Variants in UBE2Q2 observed in about 807,000 individuals in gnomAD.
UBE2Q2 encodes ubiquitin conjugating enzyme E2 Q2.
UBE2Q2 carries 54 observed loss-of-function variants against 59.9 expected under a neutral mutation model. The observed-to-expected ratio is 0.90, with a 90% CI of 0.72 to 1.13. The LOEUF (loss-of-function observed/expected upper bound fraction) is 1.13, where lower values mean the gene tolerates loss of function less well. UBE2Q2 is among the 50% of genes most tolerant of loss of function. The pLI is 0.00. For synonymous variants in UBE2Q2, 165 were observed against 155.2 expected (o/e 1.06, Z -0.47); for missense variants, 433 against 441.9 (o/e 0.98, Z 0.18).
intron 1 of UBE2Q2, among the ~76,000 whole-genome samples, chr15:75,847,921 T>C (rs575361667): frequency 3.3e-5 from 5 of 152,312 alleles, no homozygotes; most frequent in African/African-American, 1.2e-4. Context: ...CTGCTTTTAG[T>C]GGGACTTTGT....
chr15:75,847,660 T>C (rs1166083522), intron 1 of UBE2Q2, among the ~76,000 whole-genome samples: 1 of 152,156 alleles, frequency 6.6e-6, no homozygotes, highest in Non-Finnish European at 1.5e-5. Flanking sequence ...GCAGCTTGTT[T>C]TAAGCAGCCT....
At chr15:75,848,489 C>T (rs2141532186) in intron 1 of UBE2Q2, among the ~76,000 whole-genome samples, 1 of 152,240 alleles carries the variant, frequency 6.6e-6, no homozygotes, top group Non-Finnish European at 1.5e-5. Flanking sequence ...ACTTTCATTC[C>T]AGAAGAATCA....
intron 3 of UBE2Q2, among the ~76,000 whole-genome samples, chr15:75,866,518 T>G (rs1897488393): frequency 6.6e-6 from 1 of 152,184 alleles, no homozygotes. Context: ...TATTCTAAAG[T>G]CTTTCTTTAG....
rs1374943829 is a variant in UBE2Q2, at chr15:75,877,174, A to AT, written c.674-787_674-786insT. Among the ~76,000 whole-genome samples the AT allele has an allele frequency of 3.1e-3, 466 of 150,892 alleles. 5 individuals carry two copies. The highest frequency in any genetic ancestry group is 0.011 in the African/African-American group (459 of 41,052). On this transcript the variant is annotated intron_variant, in intron 6 of 12. Coordinates refer to ENST00000267938, the MANE Select transcript of UBE2Q2 (RefSeq NM_173469.4). ...GAGACTCTGTCAAAAAAAAAAAAAAAAAAAAAAAAGGGTTATGACCGATTC... is the reference window on the plus strand; with the variant it reads ...GAGACTCTGTCAAAAAAAAAAAAAAATAAAAAAAAAGGGTTATGACCGATTC...
chr15:75,865,894 A>G (rs1287855372), intron 3 of UBE2Q2, among the ~76,000 whole-genome samples: 1 of 152,090 alleles, frequency 6.6e-6, no homozygotes, highest in East Asian at 1.9e-4. Context: ...TGTTCAACAA[A>G]TATCTGACTC....
chr15:75,864,881 T>G (rs1897378122), intron 3 of UBE2Q2, among the ~76,000 whole-genome samples: 1 of 152,256 alleles, frequency 6.6e-6, no homozygotes, highest in Non-Finnish European at 1.5e-5. Context: ...TTAAATTGCT[T>G]TTTAAACAAA....
At chr15:75,869,122 A>G in intron 4 of UBE2Q2, 112 bp downstream of exon 4, 1 of 905,052 alleles carries the variant, frequency 1.1e-6, no homozygotes, top group Non-Finnish European at 1.7e-6. Context: ...TTGAAAGCAC[A>G]TTGTGTTTGG....
At chr15:75,876,399 A>G in intron 6 of UBE2Q2, 128 bp downstream of exon 6, 1 of 795,024 alleles carries the variant, frequency 1.3e-6, no homozygotes. Context: ...AGGAATGTGA[A>G]ACTCAAATGC....
intron 8 of UBE2Q2, among the ~76,000 whole-genome samples, chr15:75,879,430 G>A (rs1567035292): frequency 1.3e-5 from 2 of 152,202 alleles, no homozygotes; most frequent in Non-Finnish European, 2.9e-5. Flanking sequence ...CAATAAAATG[G>A]AGAATTGTGG....
intron 11 of UBE2Q2, among the ~76,000 whole-genome samples, chr15:75,893,354 G>A (rs1362782389): frequency 6.6e-6 from 1 of 152,158 alleles, no homozygotes; most frequent in African/African-American, 2.4e-5. Flanking sequence ...GGAACAGAAA[G>A]CATTAGTAAC....
At chr15:75,883,309 T>C in intron 8 of UBE2Q2, 57 bp from the exon 9 acceptor site, 3 of 1,434,020 alleles carry the variant, frequency 2.1e-6, no homozygotes, top group Non-Finnish European at 2.9e-6. Flanking sequence ...ATCTTCTAAA[T>C]AGTATAACAC....
At chr15:75,890,886 ACTG>A in intron 10 of UBE2Q2, 30 bp from the exon 11 acceptor site, 6 of 1,550,914 alleles carry the variant, frequency 3.9e-6, no homozygotes, top group Non-Finnish European at 5.3e-6. Flanking sequence ...CAGAAATACT[ACTG>A]TATTTTAGAG....
chr15:75,851,573 A>G (rs1341543933), intron 1 of UBE2Q2, among the ~76,000 whole-genome samples: 6 of 152,182 alleles, frequency 3.9e-5, no homozygotes, highest in African/African-American at 1.4e-4. Flanking sequence ...TATTATTAGC[A>G]GTTTTATTAT....
intron 8 of UBE2Q2, among the ~76,000 whole-genome samples, chr15:75,880,905 T>TA (rs1898373641): frequency 6.6e-6 from 1 of 152,230 alleles, no homozygotes; most frequent in South Asian, 2.1e-4. Context: ...AAAAGCTTCT[T>TA]ACGTAGCTTT....
rs1183598411 is a variant in UBE2Q2, at chr15:75,843,559, C to G, written c.-108C>G. 1.1e-5 allele frequency: 10 copies of G among 875,254 alleles called. No individual in the cohort carries two copies. In the East Asian group the frequency reaches 3.4e-4, roughly 30 times the overall value. 54.2% of individuals were successfully genotyped at this position (875,254 alleles called of 1,614,324 possible). ...GAGGCGGAGCCGCGAGAGCGCGGCC[C>G]AGGCCGGCCCCGCGGGGCGGTCGCG... On this transcript the variant is annotated 5_prime_UTR_variant, in exon 1 of 13. Coordinates refer to ENST00000267938, the MANE Select transcript of UBE2Q2 (RefSeq NM_173469.4).
rs377559315 is a variant in UBE2Q2 at position 75,850,006 on chromosome 15, A to T, written c.181-4380A>T. Among the ~76,000 whole-genome samples, 3 of 152,214 alleles carry T rather than the reference A, an allele frequency of 2.0e-5. No homozygotes were observed. The East Asian group carries it at 5.8e-4, about 29-fold the overall frequency. On this transcript the variant is annotated intron_variant, in intron 1 of 12. Coordinates refer to ENST00000267938, the MANE Select transcript of UBE2Q2 (RefSeq NM_173469.4). ...TTAGTTAACCTTATCAAAATTACAAAACTTAAAGCATGTGAAAGATTGAAA... is the reference window on the plus strand; with the variant it reads ...TTAGTTAACCTTATCAAAATTACAATACTTAAAGCATGTGAAAGATTGAAA...
chr15:75,844,048 CT>C, intron 1 of UBE2Q2: 1 of 1,408,576 alleles, frequency 7.1e-7, no homozygotes, highest in East Asian at 2.7e-5. Flanking sequence ...GAGGGCGCGT[CT>C]TTCCGGCTTC....
chr15:75,865,415 C>A (rs1359270205), intron 3 of UBE2Q2, among the ~76,000 whole-genome samples: 1 of 152,144 alleles, frequency 6.6e-6, no homozygotes, highest in Non-Finnish European at 1.5e-5. Context: ...ACCATTTATC[C>A]CCTTGACTGG....
At chr15:75,844,340 A>G in intron 1 of UBE2Q2, 1 of 1,550,220 alleles carries the variant, frequency 6.5e-7, no homozygotes, top group African/African-American at 1.4e-5. Context: ...TTTGCGTTTA[A>G]GGAGAAACTG....
Sources: gnomAD v4.1 joint callset for allele counts (sites outside exome capture counted in the v4.1 genomes callset) on GRCh38, gnomAD v4.1.1 for gene constraint, MANE v1.5 for transcripts, NCBI Gene and HGNC (gene_info 2026-07-23, HGNC 2026-07-21) for gene names.